Variants in FGF14 observed in about 807,000 individuals in gnomAD.
FGF14 encodes the protein fibroblast growth factor 14, also known as fibroblast growth factor homologous factor 4.
Under a neutral mutation model 25.5 loss-of-function variants are expected in FGF14, and 5 were observed. The observed-to-expected ratio is 0.20, with a 90% confidence interval of 0.10 to 0.41. The LOEUF (loss-of-function observed/expected upper bound fraction) is 0.41. Among genes scored for constraint, FGF14 ranks in the 10% least tolerant of loss-of-function variants. The pLI, the probability that FGF14 is intolerant of heterozygous loss-of-function variation, is 1.00. For synonymous variants in FGF14, 138 were observed against 118.3 expected (o/e 1.17, Z -1.08); for missense variants, 222 against 320.1 (o/e 0.69, Z 2.34).
chr13:101,765,718 T>TTTTATTTATTTA (rs561624693), intron 3 of FGF14, among the ~76,000 whole-genome samples: 20 of 143,388 alleles, frequency 1.4e-4, no homozygotes, highest in African/African-American at 5.4e-4. Flanking sequence ...ATTATTATTA[T>TTTTATTTATTTA]TTTATTTATT....
At chr13:102,326,687 AGGGAAG>A (rs1386610848) in intron 1 of FGF14, among the ~76,000 whole-genome samples, 76 of 55,580 alleles carry the variant, frequency 1.4e-3, no homozygotes, top group South Asian at 3.5e-3. Flanking sequence ...AGGGAAGGGA[AGGGAAG>A]GGAAGGAAGG....
chr13:102,152,841 A>G (rs185993929), intron 1 of FGF14, among the ~76,000 whole-genome samples: 4 of 152,334 alleles, frequency 2.6e-5, no homozygotes, highest in Admixed American at 2.0e-4. Context: ...TAATGAACTA[A>G]TGTTTCAAGT....
At chr13:102,362,306 C>A (rs2057589487) in intron 1 of FGF14, among the ~76,000 whole-genome samples, 1 of 152,158 alleles carries the variant, frequency 6.6e-6, no homozygotes, top group Non-Finnish European at 1.5e-5. Context: ...CCTATTTTAT[C>A]CTTTTTCTGG....
At chr13:102,212,385 G>T (rs905075650) in intron 1 of FGF14, among the ~76,000 whole-genome samples, 2 of 152,096 alleles carry the variant, frequency 1.3e-5, no homozygotes, top group African/African-American at 4.8e-5. Context: ...CTTACCAAAG[G>T]GATCTCAAAG....
chr13:102,014,393 G>A lies in FGF14; in HGVS notation c.209-139097C>T, dbSNP rs182046489. 5.1e-3 allele frequency among the ~76,000 whole-genome samples: 779 copies of A among 152,146 alleles called. 7 individuals are homozygous for A. The highest frequency in any genetic ancestry group is 0.017 in the African/African-American group (722 of 41,510). The stretch of plus-strand genomic sequence containing the variant: ...CATATGTATAGATTGACCAGAACCA[G>A]GCATATTCCTAATAGTGCACGGAAA... On this transcript the variant is annotated intron_variant, in intron 1 of 4. Coordinates refer to the FGF14 transcript ENST00000376131.
chr13:102,108,716 GA>G (rs2045058547), intron 1 of FGF14, among the ~76,000 whole-genome samples: 1 of 152,190 alleles, frequency 6.6e-6, no homozygotes, highest in South Asian at 2.1e-4. Flanking sequence ...TCATAGATGT[GA>G]AGTTTTTCCA....
chr13:101,980,688 A>C (rs2038195215), intron 1 of FGF14, among the ~76,000 whole-genome samples: 1 of 152,208 alleles, frequency 6.6e-6, no homozygotes, highest in African/African-American at 2.4e-5. Flanking sequence ...TCTCTTACCA[A>C]GTGCCAACAA....
intron 1 of FGF14, among the ~76,000 whole-genome samples, chr13:101,912,505 A>G (rs371301418): frequency 1.3e-5 from 2 of 152,340 alleles, no homozygotes; most frequent in East Asian, 3.9e-4. Flanking sequence ...CATTGTAGTC[A>G]GTGGCTACTT....
intron 1 of FGF14, among the ~76,000 whole-genome samples, chr13:102,059,356 A>T (rs1322197265): frequency 2.6e-5 from 4 of 152,186 alleles, no homozygotes; most frequent in Non-Finnish European, 5.9e-5. Flanking sequence ...CACTCTCACA[A>T]TGAGTGACCA....
intron 1 of FGF14, among the ~76,000 whole-genome samples, chr13:102,372,975 G>T (rs2139119129): frequency 6.6e-6 from 1 of 152,248 alleles, no homozygotes; most frequent in South Asian, 2.1e-4. Context: ...TACACCATGA[G>T]TAGGAAGGGA....
chr13:102,374,010 G>T (rs1244873901), intron 1 of FGF14, among the ~76,000 whole-genome samples: 3 of 152,054 alleles, frequency 2.0e-5, no homozygotes, highest in East Asian at 1.9e-4. Context: ...TGCTACAGAA[G>T]GAACTCAAGC....
Position 101,726,689 on chromosome 13 carries a change from T to C in FGF14, c.530A>G (p.Lys177Arg). Reference protein sequence around the residue: ...SGRAWFLGLNKEGQAMKGNRV... With the variant: ...SGRAWFLGLNREGQAMKGNRV... ...GTTCCCTTTCATAGCTTGCCCTTCC[T>C]TATTTAATCCCAAAAACCAGGCTCT... Residue 177 changes from lysine to arginine, a missense_variant, in exon 4 of 5, where the codon AAG (lysine) becomes AGG (arginine). Lys to Arg is a conservative substitution (Grantham distance 26). Around this residue, in one of 5 missense-constraint regions of FGF14, gnomAD observed 66 missense variants for 90.3 expected, o/e 0.73. Coordinates refer to ENST00000376143, the MANE Select transcript of FGF14 (RefSeq NM_004115.4). The C allele has an allele frequency of 6.2e-7, 1 of 1,613,632 alleles. No homozygotes were observed. Among genetic ancestry groups the C allele is most frequent in the Non-Finnish European group, 8.5e-7 (1 of 1,179,692 alleles).
intron 1 of FGF14, among the ~76,000 whole-genome samples, chr13:102,000,832 T>C (rs986792242): frequency 3.3e-5 from 5 of 152,194 alleles, no homozygotes; most frequent in Non-Finnish European, 7.3e-5. Context: ...TTGGCTGTGA[T>C]AGAAAATGCC....
chr13:102,147,284 A>G (rs185704951), intron 1 of FGF14, among the ~76,000 whole-genome samples: 10 of 152,210 alleles, frequency 6.6e-5, no homozygotes, highest in African/African-American at 2.2e-4. Flanking sequence ...GGTTTTCTGA[A>G]CTCTTTGTCC....
chr13:101,830,577 C>T (rs1179531953), intron 3 of FGF14, among the ~76,000 whole-genome samples: 2 of 152,054 alleles, frequency 1.3e-5, no homozygotes, highest in Admixed American at 1.3e-4. Context: ...CTGCTTCTAC[C>T]ACCTTCTAGC....
chr13:102,204,711 T>C (rs1194176163), intron 1 of FGF14, among the ~76,000 whole-genome samples: 1 of 152,054 alleles, frequency 6.6e-6, no homozygotes, highest in Non-Finnish European at 1.5e-5. Context: ...CACGCCTGGC[T>C]AATTTTTATA....
chr13:102,227,916 A>G (rs2050902184), intron 1 of FGF14, among the ~76,000 whole-genome samples: 1 of 152,064 alleles, frequency 6.6e-6, no homozygotes, highest in Non-Finnish European at 1.5e-5. Flanking sequence ...TACATCATAT[A>G]TTGCATGCAC....
At chr13:102,118,124 T>C (rs182798140) in intron 1 of FGF14, among the ~76,000 whole-genome samples, 138 of 152,238 alleles carry the variant, frequency 9.1e-4, no homozygotes, top group African/African-American at 3.0e-3. Context: ...GAAAATCTAA[T>C]GTGAAATTTT....
intron 3 of FGF14, among the ~76,000 whole-genome samples, chr13:101,766,182 A>C (rs1395471014): frequency 6.6e-6 from 1 of 152,220 alleles, no homozygotes; most frequent in African/African-American, 2.4e-5. Context: ...TTCAGGTGCA[A>C]GATATTTGAT....
Sources: gnomAD v4.1 joint callset for allele counts (sites outside exome capture counted in the v4.1 genomes callset) on GRCh38, gnomAD v4.1.1 for gene constraint, gnomAD v4.1.1 regional missense constraint, MANE v1.5 for transcripts, NCBI Gene and HGNC (gene_info 2026-07-23, HGNC 2026-07-21) for gene names.